The following GRM7 variants were observed in gnomAD, a reference collection of about 807,000 sequenced individuals.
The protein encoded by GRM7 is metabotropic glutamate receptor 7.
GRM7 carries 35 observed loss-of-function variants against 84.5 expected under a neutral mutation model. That is an observed-to-expected ratio of 0.41 (90% confidence interval 0.32 to 0.55). The LOEUF is 0.55. Ranked by LOEUF, GRM7 falls within the 20% of genes least tolerant of loss-of-function variation. The pLI, the probability that GRM7 is intolerant of heterozygous loss-of-function variation, is 0.19. For missense variants in GRM7, 1,003 were observed against 1,194.6 expected, an observed-to-expected ratio of 0.84 and a Z score of 2.36; for synonymous variants, 487 against 455.1, an observed-to-expected ratio of 1.07 and a Z score of -0.89.
At chr3:7,402,471 C>T (rs1394866527) in intron 4 of GRM7, among the ~76,000 whole-genome samples, 1 of 152,142 alleles carries the variant, frequency 6.6e-6, no homozygotes, top group African/African-American at 2.4e-5. Context: ...GCTGCTTGAA[C>T]TTGATCCTGC....
intron 2 of GRM7, among the ~76,000 whole-genome samples, chr3:7,213,979 G>T (rs1003113459): frequency 2.0e-5 from 3 of 152,138 alleles, no homozygotes; most frequent in African/African-American, 7.2e-5. Context: ...TTCTTGCTAA[G>T]TATCTCATTA....
At chr3:7,213,026 GC>G (rs1447239331) in intron 2 of GRM7, among the ~76,000 whole-genome samples, 1 of 152,078 alleles carries the variant, frequency 6.6e-6, no homozygotes, top group African/African-American at 2.4e-5. Flanking sequence ...CTATTTGGAG[GC>G]CCTTTCAGAT....
chr3:7,154,474 T>G (rs1001412753), intron 2 of GRM7, among the ~76,000 whole-genome samples: 1 of 152,114 alleles, frequency 6.6e-6, no homozygotes, highest in Non-Finnish European at 1.5e-5. Flanking sequence ...CTGCCATCAT[T>G]GCACTTGATA....
At chr3:6,940,672 C>G (rs897186394) in intron 1 of GRM7, among the ~76,000 whole-genome samples, 1 of 126,100 alleles carries the variant, frequency 7.9e-6, no homozygotes, top group African/African-American at 2.6e-5. Flanking sequence ...AAATTCAATC[C>G]AAGTTTGTTT....
intron 7 of GRM7, among the ~76,000 whole-genome samples, chr3:7,542,460 ATG>A (rs1158411175): frequency 6.6e-6 from 1 of 151,750 alleles, no homozygotes; most frequent in Non-Finnish European, 1.5e-5. Context: ...CTCCTCTGAG[ATG>A]TGTTTTCTAT....
At chr3:7,026,034 T>C (rs1221416929) in intron 1 of GRM7, among the ~76,000 whole-genome samples, 2 of 152,196 alleles carry the variant, frequency 1.3e-5, no homozygotes, top group Non-Finnish European at 2.9e-5. Flanking sequence ...ATGACTCAAT[T>C]GCAGCTTCTT....
intron 2 of GRM7, among the ~76,000 whole-genome samples, chr3:7,189,733 G>A (rs979967554): frequency 2.0e-5 from 3 of 152,100 alleles, no homozygotes; most frequent in African/African-American, 7.2e-5. Flanking sequence ...AGGAGAAACA[G>A]TAATAAAAAT....
intron 2 of GRM7, among the ~76,000 whole-genome samples, chr3:7,267,122 C>G (rs990905593): frequency 6.6e-6 from 1 of 151,976 alleles, no homozygotes; most frequent in African/African-American, 2.4e-5. Context: ...TTTTTTGAGT[C>G]AAAAACACAG....
At chr3:6,927,532 A>C (rs1697356805) in intron 1 of GRM7, among the ~76,000 whole-genome samples, 1 of 151,994 alleles carries the variant, frequency 6.6e-6, no homozygotes, top group Non-Finnish European at 1.5e-5. Flanking sequence ...GAAAAGAAAG[A>C]AAGAAATCTA....
At chr3:6,919,346 C>T (rs1441382513) in intron 1 of GRM7, among the ~76,000 whole-genome samples, 1 of 150,704 alleles carries the variant, frequency 6.6e-6, no homozygotes, top group African/African-American at 2.4e-5. Context: ...TTATAAGTGC[C>T]CACCACCATG....
rs1424989171 is a variant in GRM7 at position 6,928,222 on chromosome 3, C to T, written c.519+66315C>T. ...TTTTCCCAAAATGTCCCTTGGAATTCCCCCAAAGATAGTTGCTCAATACCA... is the reference window on the plus strand; with the variant it reads ...TTTTCCCAAAATGTCCCTTGGAATTTCCCCAAAGATAGTTGCTCAATACCA... On this transcript the variant is annotated intron_variant, in intron 1 of 9. Transcript: ENST00000357716. The surrounding 1 kb of genome is among the most constrained non-coding windows in gnomAD (Gnocchi z 4.5). 6.6e-6 allele frequency among the ~76,000 whole-genome samples: 1 copy of T among 151,778 alleles called. No homozygotes were observed. Among genetic ancestry groups the T allele is most frequent in the Non-Finnish European group, 1.5e-5 (1 of 67,976 alleles).
chr3:7,076,877 A>T (rs528173287), intron 1 of GRM7, among the ~76,000 whole-genome samples: 1 of 152,200 alleles, frequency 6.6e-6, no homozygotes, highest in African/African-American at 2.4e-5. Flanking sequence ...ACTTAAATTT[A>T]CAAGAAAAAG....
chr3:7,680,314 C>T lies in GRM7; in HGVS notation c.2698+19C>T. Reference sequence around the variant, plus strand: ...CCAAACAGTAAGTAACTCTCCGTTTCTTTCATCTTCCCACCCTGCATCAGG... The same window carrying T: ...CCAAACAGTAAGTAACTCTCCGTTTTTTTCATCTTCCCACCCTGCATCAGG... On this transcript the variant is annotated intron_variant, in intron 9 of 9. Coordinates refer to ENST00000357716, the MANE Select transcript of GRM7 (RefSeq NM_000844.4). 1 of 1,612,386 alleles carries T rather than the reference C, an allele frequency of 6.2e-7. No homozygotes were observed. Among genetic ancestry groups the T allele is most frequent in the Non-Finnish European group, 8.5e-7 (1 of 1,178,592 alleles).
intron 8 of GRM7, among the ~76,000 whole-genome samples, chr3:7,674,430 G>A (rs1471381453): frequency 6.6e-6 from 1 of 152,126 alleles, no homozygotes; most frequent in Non-Finnish European, 1.5e-5. Flanking sequence ...GACCTCAGGT[G>A]ATCTGCCTGC....
At chr3:7,630,863 G>A (rs550797469) in intron 8 of GRM7, among the ~76,000 whole-genome samples, 143 of 152,318 alleles carry the variant, frequency 9.4e-4, no homozygotes, top group African/African-American at 3.2e-3. Context: ...TTAAATTTGT[G>A]TCTGGTAATC....
intron 2 of GRM7, among the ~76,000 whole-genome samples, chr3:7,228,543 C>T (rs1697058045): frequency 6.6e-6 from 1 of 152,144 alleles, no homozygotes; most frequent in Non-Finnish European, 1.5e-5. Flanking sequence ...GAATGAAAAA[C>T]CACAATCTAG....
intron 1 of GRM7, among the ~76,000 whole-genome samples, chr3:6,900,389 TA>T (rs1696340097): frequency 6.6e-6 from 1 of 152,308 alleles, no homozygotes; most frequent in East Asian, 1.9e-4. Context: ...ATCTGGCGAA[TA>T]ATACAAGCTA....
rs139732806 is a variant in GRM7 at position 7,330,681 on chromosome 3, A to C, written c.1033+24029A>C. 1.4e-4 allele frequency among the ~76,000 whole-genome samples: 22 copies of C among 152,268 alleles called. No homozygotes were observed. The East Asian group carries it at 3.7e-3, about 25-fold the overall frequency. ...CTGCCTGCCGCCATGTAAGACATGC[A>C]TTTCACCTTCCACCATGATTCTGAG... is the stretch of plus-strand genomic sequence containing the variant. On this transcript the variant is annotated intron_variant, in intron 4 of 9. Coordinates refer to ENST00000357716, the MANE Select transcript of GRM7 (RefSeq NM_000844.4).
At chr3:6,935,911 G>A (rs1697676396) in intron 1 of GRM7, among the ~76,000 whole-genome samples, 1 of 152,038 alleles carries the variant, frequency 6.6e-6, no homozygotes, top group Non-Finnish European at 1.5e-5. Context: ...GGCCAGCCAT[G>A]TTGACCAGGC....
Sources: gnomAD v4.1 joint callset for allele counts (sites outside exome capture counted in the v4.1 genomes callset) on GRCh38, gnomAD v4.1.1 for gene constraint, Gnocchi (gnomAD v3.1) non-coding constraint, MANE v1.5 for transcripts, NCBI Gene and HGNC (gene_info 2026-07-23, HGNC 2026-07-21) for gene names.